Variants in ATP9B observed in about 807,000 individuals in gnomAD.
ATP9B encodes the protein ATPase phospholipid transporting 9B, also known as probable phospholipid-transporting ATPase IIB.
In ATP9B, 110 loss-of-function variants were observed where a neutral mutation model predicts 146.1. The ratio of observed to expected loss-of-function variants is 0.75; its 90% CI spans 0.65 to 0.88. The LOEUF (loss-of-function observed/expected upper bound fraction) is 0.88. ATP9B is among the 40% of genes least tolerant of loss of function. ATP9B has a pLI of 0.00. For synonymous variants in ATP9B, 604 were observed against 569.7 expected (o/e 1.06, Z -0.86); for missense variants, 1,499 against 1,496.4 (o/e 1.00, Z -0.03).
At chr18:79,255,280 C>T in intron 12 of ATP9B, 1 of 152,200 alleles carries the variant, frequency 6.6e-6, no homozygotes, top group East Asian at 1.9e-4. Context: ...AAGTAACCTG[C>T]CTTTTTTATC....
chr18:79,268,244 CTT>C (rs2096223355), intron 12 of ATP9B, among the ~76,000 whole-genome samples: 1 of 151,966 alleles, frequency 6.6e-6, no homozygotes, highest in Non-Finnish European at 1.5e-5. Context: ...TTATGTGTCT[CTT>C]GTAATTAGCG....
intron 29 of ATP9B, 73 bp downstream of exon 29, chr18:79,375,499 A>T: frequency 6.4e-7 from 1 of 1,568,092 alleles, no homozygotes; most frequent in South Asian, 1.1e-5. Context: ...TACTTAACTA[A>T]TAAGAAAAAC....
In ATP9B at chr18:79,246,715, G is replaced by GCCCCGCGCT. The variant is rs1244886763; in HGVS notation, c.1108-6653_1108-6645dup. On this transcript the variant is annotated intron_variant, in intron 11 of 29. Coordinates refer to ENST00000426216, the MANE Select transcript of ATP9B (RefSeq NM_198531.5). Reference sequence around the variant, plus strand: ...GCCTCGCGCTCCCCCTGCTGGCCGCGCCCCGCGCTCCCCGCGCTCCCTGGC... The same window carrying GCCCCGCGCT: ...GCCTCGCGCTCCCCCTGCTGGCCGCGCCCCGCGCTCCCCGCGCTCCCCGCGCTCCCTGGC... Among the ~76,000 whole-genome samples the GCCCCGCGCT allele has an allele frequency of 3.4e-4, 52 of 152,270 alleles. 1 individual carries two copies. The highest frequency in any genetic ancestry group is 1.0e-3 in the African/African-American group (43 of 41,558).
At chr18:79,227,701 C>G (rs561998474) in intron 11 of ATP9B, among the ~76,000 whole-genome samples, 13 of 152,190 alleles carry the variant, frequency 8.5e-5, no homozygotes, top group African/African-American at 2.4e-4. Flanking sequence ...CTCACCTCCC[C>G]CCGACTGTTC....
At chr18:79,246,763 G>GAC (rs1485736357) in intron 11 of ATP9B, among the ~76,000 whole-genome samples, 4 of 152,214 alleles carry the variant, frequency 2.6e-5, no homozygotes, top group Admixed American at 6.5e-5. Context: ...CCGCCTATGG[G>GAC]AGGTGTGAGT....
chr18:79,118,256 T>C (rs1461621577), intron 4 of ATP9B, among the ~76,000 whole-genome samples: 1 of 152,202 alleles, frequency 6.6e-6, no homozygotes, highest in African/African-American at 2.4e-5. Context: ...GCTGTGTACT[T>C]CCTAGAAGTC....
chr18:79,275,236 A>C (rs2096294943), intron 12 of ATP9B, among the ~76,000 whole-genome samples: 1 of 146,946 alleles, frequency 6.8e-6, no homozygotes, highest in Non-Finnish European at 1.5e-5. Flanking sequence ...CCTCTTCTGT[A>C]CAGGAAGGCA....
intron 9 of ATP9B, among the ~76,000 whole-genome samples, chr18:79,202,130 T>G (rs1377280957): frequency 6.6e-6 from 1 of 152,226 alleles, no homozygotes. Flanking sequence ...GTATGCATGC[T>G]GATGCCTGTG....
intron 11 of ATP9B, 78 bp downstream of exon 11, chr18:79,214,116 G>A: frequency 1.0e-6 from 1 of 989,310 alleles, no homozygotes; most frequent in Non-Finnish European, 1.4e-6. Context: ...GTTCTGAATA[G>A]CTCATTCTTT....
intron 10 of ATP9B, among the ~76,000 whole-genome samples, chr18:79,209,220 C>A (rs951478895): frequency 2.0e-5 from 3 of 152,156 alleles, no homozygotes; most frequent in African/African-American, 7.2e-5. Context: ...AGTAGTTACA[C>A]GAAAGCATTT....
At chr18:79,329,044 T>G in intron 15 of ATP9B, 97 bp from the exon 16 acceptor site, 1 of 1,294,188 alleles carries the variant, frequency 7.7e-7, no homozygotes, top group Non-Finnish European at 1.0e-6. Context: ...TGCAGCTGTC[T>G]CATGTTGGCA....
At chr18:79,117,716 C>T (rs1052569730) in intron 4 of ATP9B, 1 of 152,182 alleles carries the variant, frequency 6.6e-6, no homozygotes, top group African/African-American at 2.4e-5. Flanking sequence ...AGAAGAAACA[C>T]TGAAGTGTAT....
At chr18:79,343,995 G>A (rs2096872605) in intron 20 of ATP9B, 5 of 520,576 alleles carry the variant, frequency 9.6e-6, no homozygotes, top group Non-Finnish European at 1.7e-5. Flanking sequence ...CATCAGAGTG[G>A]TGATTCCACT....
At chr18:79,179,788 A>T (rs902801305) in intron 8 of ATP9B, among the ~76,000 whole-genome samples, 1 of 152,188 alleles carries the variant, frequency 6.6e-6, no homozygotes, top group Non-Finnish European at 1.5e-5. Flanking sequence ...TGTTCTGTAA[A>T]TGTTCATTAG....
chr18:79,089,581 G>A (rs1346785006), intron 1 of ATP9B, among the ~76,000 whole-genome samples: 4 of 152,034 alleles, frequency 2.6e-5, no homozygotes, highest in Admixed American at 1.3e-4. Flanking sequence ...ATCTAAGGAA[G>A]ACCTCTCCCT....
rs568742307 is a variant in ATP9B, at chr18:79,166,465, A to C, written c.779-10348A>C. Among the ~76,000 whole-genome samples the C allele has an allele frequency of 3.9e-5, 6 of 152,334 alleles. No homozygotes were observed. In the South Asian group the frequency reaches 1.2e-3, roughly 32 times the overall value. Reference sequence around the variant, plus strand: ...AAATGATGCATGGTCCTCTGTCCCCAAGGTGAGTCCTACAATGCTGAGCTT... The same window carrying C: ...AAATGATGCATGGTCCTCTGTCCCCCAGGTGAGTCCTACAATGCTGAGCTT... On this transcript the variant is annotated intron_variant, in intron 7 of 29. Transcript: ENST00000426216.
At chr18:79,070,449 T>A (rs1386821047) in intron 1 of ATP9B, among the ~76,000 whole-genome samples, 1 of 152,250 alleles carries the variant, frequency 6.6e-6, no homozygotes, top group Non-Finnish European at 1.5e-5. Flanking sequence ...TTTCCTCATC[T>A]GTAAAATGCT....
chr18:79,193,300 T>C (rs746817133), intron 9 of ATP9B, 37 bp downstream of exon 9: 2 of 1,492,700 alleles, frequency 1.3e-6, no homozygotes, highest in South Asian at 2.3e-5. Context: ...AATAGAGTTA[T>C]TGTGTAAGTT....
intron 12 of ATP9B, among the ~76,000 whole-genome samples, chr18:79,261,207 A>G (rs1222457076): frequency 6.6e-6 from 1 of 152,184 alleles, no homozygotes; most frequent in East Asian, 1.9e-4. Flanking sequence ...ATTTGGGACC[A>G]GTGTAAATTT....
Sources: allele counts gnomAD v4.1 joint callset (sites outside exome capture counted in the v4.1 genomes callset), GRCh38; gene constraint gnomAD v4.1.1; transcripts MANE v1.5; gene names NCBI Gene and HGNC (gene_info 2026-07-23, HGNC 2026-07-21).